The following TVP23B variants were observed in gnomAD, a reference collection of about 807,000 sequenced individuals.
TVP23B encodes the protein Golgi apparatus membrane protein TVP23 homolog B.
TVP23B carries 10 observed loss-of-function variants against 30.6 expected under a neutral mutation model. The ratio of observed to expected loss-of-function variants is 0.33; its 90% CI spans 0.20 to 0.55. The LOEUF (loss-of-function observed/expected upper bound fraction) is 0.55. Among genes scored for constraint, TVP23B ranks in the 20% least tolerant of loss-of-function variants. TVP23B has a pLI of 0.91. For synonymous variants in TVP23B, 67 were observed against 83.1 expected, an observed-to-expected ratio of 0.81 and a Z score of 1.06; for missense variants, 153 against 243.2, an observed-to-expected ratio of 0.63 and a Z score of 2.47.
intron 3 of TVP23B, among the ~76,000 whole-genome samples, chr17:18,794,693 G>A (rs1297807306): frequency 6.6e-6 from 1 of 151,650 alleles, no homozygotes; most frequent in Non-Finnish European, 1.5e-5. Flanking sequence ...TGGGAACACA[G>A]AAGAGTTTGA....
Position 18,791,101 on chromosome 17 carries a change from TGA to T in TVP23B, c.240+63_240+64del, listed in dbSNP as rs1335575019. 7.9e-6 allele frequency: 12 copies of T among 1,527,748 alleles called. No individual in the cohort carries two copies. The East Asian group carries it at 3.0e-4, about 38-fold the overall frequency. The allele number at this position is 1,527,748 out of a possible 1,614,324, so 94.6% of individuals were successfully genotyped here. On this transcript the variant is annotated intron_variant, in intron 3 of 6. Coordinates refer to ENST00000307767, the MANE Select transcript of TVP23B (RefSeq NM_016078.6). ...AATATGAAAATGATGTATAAAAATA[TGA>T]GTTAGCATTTTGCATTATTGTTAAT...
intron 3 of TVP23B, chr17:18,796,840 T>C (rs1231116797): frequency 5.3e-5 from 8 of 152,246 alleles, no homozygotes; most frequent in African/African-American, 1.4e-4. Flanking sequence ...TGATTCTTAT[T>C]TATCTTTTAT....
At chr17:18,798,372 C>T (rs1416248273) in intron 4 of TVP23B, among the ~76,000 whole-genome samples, 3 of 151,116 alleles carry the variant, frequency 2.0e-5, no homozygotes, top group Non-Finnish European at 2.9e-5. Context: ...ATTGCTAAGA[C>T]ATTTTGATTA....
At chr17:18,787,414 A>AC (rs1469709812) in intron 1 of TVP23B, among the ~76,000 whole-genome samples, 1 of 150,072 alleles carries the variant, frequency 6.7e-6, no homozygotes, top group Non-Finnish European at 1.5e-5. Context: ...AAAAAAAAAA[A>AC]AAAAACCTTG....
intron 6 of TVP23B, among the ~76,000 whole-genome samples, chr17:18,805,120 G>C (rs1312137790): frequency 1.6e-5 from 2 of 128,982 alleles, no homozygotes; most frequent in Non-Finnish European, 3.1e-5. Flanking sequence ...ACGGAGTCTC[G>C]CTCTGTCGCC....
chr17:18,801,542 G>T (rs1285451371), intron 5 of TVP23B, among the ~76,000 whole-genome samples: 1 of 152,156 alleles, frequency 6.6e-6, no homozygotes, highest in African/African-American at 2.4e-5. Flanking sequence ...GTGCGATGTG[G>T]AGAACTTGCC....
intron 3 of TVP23B, chr17:18,797,279 G>C (rs1176784895): frequency 6.4e-6 from 2 of 313,080 alleles, no homozygotes; most frequent in African/African-American, 2.2e-5. Context: ...AATAGCAAGG[G>C]GTTTAGGGAA....
Position 18,788,602 on chromosome 17 carries a change from T to A in TVP23B, c.13-751T>A, listed in dbSNP as rs528533278. Among the ~76,000 whole-genome samples, 1,103 of 151,158 alleles carry A rather than the reference T, an allele frequency of 7.3e-3. 12 individuals carry two copies. Among genetic ancestry groups the A allele is most frequent in the African/African-American group, 0.025 (1,035 of 41,272 alleles). On this transcript the variant is annotated intron_variant, in intron 1 of 6. Coordinates refer to ENST00000307767, the MANE Select transcript of TVP23B (RefSeq NM_016078.6). Reference sequence around the variant, plus strand: ...TTCAAGACCAGCCTGGCCAACATGGTGAAACCCCGTCTCAACTAAAAATAC... The same window carrying A: ...TTCAAGACCAGCCTGGCCAACATGGAGAAACCCCGTCTCAACTAAAAATAC...
chr17:18,781,666 T>G (rs1161084815), intron 1 of TVP23B: 3 of 338,898 alleles, frequency 8.9e-6, no homozygotes, highest in Non-Finnish European at 1.6e-5. Flanking sequence ...GATGCTATTT[T>G]GTAGGAATCG....
In TVP23B at chr17:18,806,229, A is replaced by G. The variant is rs1322670588; in HGVS notation, c.*662A>G. The G allele has an allele frequency of 4.2e-6, 4 of 945,458 alleles. No individual in the cohort carries two copies. In the African/African-American group the frequency reaches 7.1e-5, roughly 17 times the overall value. 58.6% of individuals were successfully genotyped at this position (945,458 alleles called of 1,614,324 possible). On this transcript the variant is annotated 3_prime_UTR_variant, in exon 7 of 7. Coordinates refer to ENST00000307767, the MANE Select transcript of TVP23B (RefSeq NM_016078.6). ...AATCATCATAGTTTAAGGAATACCC[A>G]GAGATTGCTGCTGTTCTATTTATTT...
intron 6 of TVP23B, chr17:18,804,508 A>T (rs1419088477): frequency 7.1e-6 from 9 of 1,262,140 alleles, no homozygotes; most frequent in South Asian, 2.3e-5. Context: ...CTTATTTTTT[A>T]AAAATTACTT....
intron 5 of TVP23B, among the ~76,000 whole-genome samples, chr17:18,801,564 C>A (rs375758195): frequency 6.9e-6 from 1 of 143,958 alleles, no homozygotes; most frequent in Non-Finnish European, 1.6e-5. Flanking sequence ...GGCTCTTGCT[C>A]TCTTGGCTGG....
intron 6 of TVP23B, chr17:18,804,690 G>GTGA (rs2036221585): frequency 2.0e-6 from 1 of 509,216 alleles, no homozygotes; most frequent in African/African-American, 2.1e-5. Flanking sequence ...CCGGGTTCAT[G>GTGA]TGATTCTCCT....
intron 4 of TVP23B, among the ~76,000 whole-genome samples, chr17:18,798,316 A>G (rs915566881): frequency 2.0e-5 from 3 of 152,162 alleles, no homozygotes; most frequent in African/African-American, 7.2e-5. Flanking sequence ...TTTATATTAT[A>G]GAATCTACCT....
At position 18,794,767 on chromosome 17, in the gene TVP23B, G is replaced by A. The variant is rs1430560403; in HGVS notation, c.241-2812G>A. ...GAGACCTCTGGTTTAGGTCTCCCTT[G>A]CCAGCTCTTTTTTTTTTTTTTACTT... On this transcript the variant is annotated intron_variant, in intron 3 of 6. Transcript: ENST00000307767. Among the ~76,000 whole-genome samples, 5 of 140,586 alleles carry A rather than the reference G, an allele frequency of 3.6e-5. No individual in the cohort carries two copies. The East Asian group carries it at 1.3e-3, about 35-fold the overall frequency. The allele number at this position is 140,586 out of a possible 152,430, so 92.2% of individuals were successfully genotyped here. A position where few individuals can be genotyped will look rare whatever the true frequency, so the allele number is the denominator to read the frequency against.
intron 3 of TVP23B, among the ~76,000 whole-genome samples, chr17:18,791,955 A>G (rs1212522596): frequency 2.0e-5 from 3 of 151,696 alleles, no homozygotes; most frequent in Admixed American, 6.5e-5. Context: ...TTGGAGTTTC[A>G]GAGACACATA....
intron 3 of TVP23B, among the ~76,000 whole-genome samples, chr17:18,794,615 G>A (rs1485654368): frequency 6.6e-6 from 1 of 152,012 alleles, no homozygotes; most frequent in African/African-American, 2.4e-5. Context: ...TCAAAAACAA[G>A]CAATAAGCGT....
chr17:18,798,449 C>T (rs1434001113), intron 4 of TVP23B, among the ~76,000 whole-genome samples: 1 of 151,734 alleles, frequency 6.6e-6, no homozygotes, highest in Non-Finnish European at 1.5e-5. Context: ...TTTTAGTCTC[C>T]AGAATGATTA....
At chr17:18,784,106 CT>C (rs371013022) in intron 1 of TVP23B, among the ~76,000 whole-genome samples, 370 of 152,032 alleles carry the variant, frequency 2.4e-3, no homozygotes, top group African/African-American at 8.1e-3. Flanking sequence ...GATCGCGCCA[CT>C]GCACTCCAGC....
Sources: gnomAD v4.1 joint callset for allele counts (sites outside exome capture counted in the v4.1 genomes callset) on GRCh38, gnomAD v4.1.1 for gene constraint, MANE v1.5 for transcripts, NCBI Gene and HGNC (gene_info 2026-07-23, HGNC 2026-07-21) for gene names.